TRIM33: variants seen among roughly 807,000 people sequenced by gnomAD.
The protein encoded by TRIM33 is tripartite motif containing 33.
TRIM33 carries 20 observed loss-of-function variants against 125.4 expected under a neutral mutation model. The observed-to-expected ratio is 0.16, with a 90% CI of 0.11 to 0.23. The LOEUF is 0.23. TRIM33 is among the 10% of genes least tolerant of loss of function. TRIM33 has a pLI of 1.00. For missense variants in TRIM33, 920 were observed against 1,411.4 expected (o/e 0.65, Z 5.58); for synonymous variants, 564 against 513.9 (o/e 1.10, Z -1.32).
chr1:114,453,779 G>C (rs1193223018), intron 4 of TRIM33, among the ~76,000 whole-genome samples: 1 of 152,180 alleles, frequency 6.6e-6, no homozygotes, highest in Non-Finnish European at 1.5e-5. Flanking sequence ...CTATGTGACA[G>C]AGACTGACCC....
In TRIM33 at chr1:114,394,711, G is replaced by A. The variant is rs1651451847; in HGVS notation, c.*2937C>T. 1 of 201,116 alleles carries A rather than the reference G, an allele frequency of 5.0e-6. No homozygotes were observed. The highest frequency in any genetic ancestry group is 2.3e-5 in the African/African-American group (1 of 43,472). The allele number at this position is 201,116 out of a possible 1,614,324, so 12.5% of individuals were successfully genotyped here. ...AGTAATGGTTTGATGTTTCCATATA[G>A]AGCACGACCTACAATCTAACCATAC... is the stretch of plus-strand genomic sequence containing the variant. On this transcript the variant is annotated 3_prime_UTR_variant, in exon 20 of 20. Coordinates refer to ENST00000358465, the MANE Select transcript of TRIM33 (RefSeq NM_015906.4).
At chr1:114,509,727 T>C (rs1653222528) in intron 1 of TRIM33, among the ~76,000 whole-genome samples, 5 of 152,194 alleles carry the variant, frequency 3.3e-5, no homozygotes, top group African/African-American at 4.8e-5. Context: ...CTTTCCTCTA[T>C]TGTGCCACAA....
In TRIM33 at chr1:114,394,954, T is replaced by C. The variant is rs1485542717; in HGVS notation, c.*2694A>G. 1.0e-5 allele frequency: 2 copies of C among 195,532 alleles called. No homozygotes were observed. Among genetic ancestry groups the C allele is most frequent in the Admixed American group, 6.1e-5 (1 of 16,462 alleles). 12.1% of individuals were successfully genotyped at this position (195,532 alleles called of 1,614,324 possible). ...GGACTTTTCTCCAAATCTTCTAAAA[T>C]ACTGCCATTTAAAAAACAAATACAA... On this transcript the variant is annotated 3_prime_UTR_variant, in exon 20 of 20. Transcript: ENST00000358465.
At chr1:114,409,832 G>A (rs565683455) in intron 12 of TRIM33, among the ~76,000 whole-genome samples, 1 of 152,164 alleles carries the variant, frequency 6.6e-6, no homozygotes, top group Non-Finnish European at 1.5e-5. Context: ...TTTGAGAAAA[G>A]TAGATTATAT....
chr1:114,473,695 T>G (rs573496395), intron 1 of TRIM33, among the ~76,000 whole-genome samples: 1 of 152,122 alleles, frequency 6.6e-6, no homozygotes, highest in Non-Finnish European at 1.5e-5. Flanking sequence ...CACACTGACA[T>G]TGATTCTTTG....
intron 4 of TRIM33, among the ~76,000 whole-genome samples, chr1:114,457,506 G>A (rs543726301): frequency 2.6e-5 from 4 of 152,228 alleles, no homozygotes; most frequent in Middle Eastern, 6.8e-3. Flanking sequence ...AGGTGATGTC[G>A]GAGAAACACT....
chr1:114,508,096 A>C (rs1653110250), intron 1 of TRIM33, among the ~76,000 whole-genome samples: 1 of 152,172 alleles, frequency 6.6e-6, no homozygotes, highest in Admixed American at 6.5e-5. Flanking sequence ...CAGCCTGAGC[A>C]ACAGAGCGAG....
At chr1:114,460,691 A>G (rs891624163) in intron 4 of TRIM33, among the ~76,000 whole-genome samples, 2 of 141,174 alleles carry the variant, frequency 1.4e-5, no homozygotes, top group Non-Finnish European at 3.0e-5. Flanking sequence ...TTATTTCTCT[A>G]TTGTTCTGCC....
chr1:114,441,213 C>T (rs1003719737), intron 4 of TRIM33, among the ~76,000 whole-genome samples: 6 of 152,202 alleles, frequency 3.9e-5, no homozygotes, highest in Non-Finnish European at 8.8e-5. Context: ...AGAGGATCAC[C>T]TTAGTCCAAG....
chr1:114,461,233 T>C (rs967666095), intron 4 of TRIM33, among the ~76,000 whole-genome samples: 13 of 146,498 alleles, frequency 8.9e-5, no homozygotes, highest in Middle Eastern at 3.6e-3. Context: ...TATATATATA[T>C]ATACATATAT....
chr1:114,445,659 G>A (rs565175590), intron 4 of TRIM33, among the ~76,000 whole-genome samples: 1 of 152,112 alleles, frequency 6.6e-6, no homozygotes, highest in African/African-American at 2.4e-5. Flanking sequence ...TGGTCAAAAG[G>A]GAAAGGCCAA....
Position 114,395,268 on chromosome 1 carries a change from G to A in TRIM33, c.*2380C>T, listed in dbSNP as rs1651483315. 2 of 204,712 alleles carry A rather than the reference G, an allele frequency of 9.8e-6. No individual in the cohort carries two copies. Among genetic ancestry groups the A allele is most frequent in the African/African-American group, 4.6e-5 (2 of 43,720 alleles). The allele number at this position is 204,712 out of a possible 1,614,324, so 12.7% of individuals were successfully genotyped here. On this transcript the variant is annotated 3_prime_UTR_variant, in exon 20 of 20. Transcript: ENST00000358465. ...CAGTATACATTATCTTAACAGAAGT[G>A]GAGGCTATTAAATGTTGACAAAAAA...
Position 114,425,539 on chromosome 1 carries a change from C to A in TRIM33, c.1605G>T (p.Arg535Ser). ...GTACAGGTGCTGGTGGTTGCTGCAT[C>A]CTCATCTGTTGCAACTGCTGATGTT... is the stretch of plus-strand genomic sequence containing the variant. ...AQKHQQLQQM[R>S]MQQPPAPVPT... Residue 535 changes from arginine (R) to serine (S), a missense_variant, in exon 9 of 20, where the codon AGG becomes AGT. Around this residue, in one of 8 missense-constraint regions of TRIM33, gnomAD observed 407 missense variants for 589.7 expected, o/e 0.69. Transcript: ENST00000358465. 1 of 1,614,066 alleles carries A rather than the reference C, an allele frequency of 6.2e-7. No homozygotes were observed. The highest frequency in any genetic ancestry group is 8.5e-7 in the Non-Finnish European group (1 of 1,180,022).
intron 4 of TRIM33, among the ~76,000 whole-genome samples, chr1:114,448,658 GCT>G (rs1649136717): frequency 6.6e-6 from 1 of 152,162 alleles, no homozygotes; most frequent in South Asian, 2.1e-4. Context: ...AAACTGATTA[GCT>G]ATGACATTAA....
chr1:114,432,678 C>T (rs551557250), intron 5 of TRIM33, among the ~76,000 whole-genome samples: 200 of 151,696 alleles, frequency 1.3e-3, no homozygotes, highest in South Asian at 3.8e-3. Context: ...CCCAGCTACT[C>T]GGGAGGCTGA....
At chr1:114,410,429 C>A in intron 11 of TRIM33, 113 bp from the exon 12 acceptor site, 1 of 1,090,506 alleles carries the variant, frequency 9.2e-7, no homozygotes, top group Non-Finnish European at 1.3e-6. Context: ...TATCCAATAT[C>A]AAGCTGAGCC....
chr1:114,480,218 T>C (rs930284922), intron 1 of TRIM33, among the ~76,000 whole-genome samples: 12 of 152,072 alleles, frequency 7.9e-5, no homozygotes, highest in Admixed American at 7.2e-4. Context: ...CTGTGTCCAC[T>C]CAGGGTTAAA....
chr1:114,418,342 G>A (rs965909853), intron 11 of TRIM33, among the ~76,000 whole-genome samples: 1 of 152,242 alleles, frequency 6.6e-6, no homozygotes, highest in Non-Finnish European at 1.5e-5. Flanking sequence ...AGGACACAGA[G>A]CCAAACTGTA....
At chr1:114,467,029 T>G (rs1650346227) in intron 1 of TRIM33, among the ~76,000 whole-genome samples, 1 of 152,226 alleles carries the variant, frequency 6.6e-6, no homozygotes, top group South Asian at 2.1e-4. Flanking sequence ...TTAAGAAACA[T>G]TCTGAAGGTC....
Sources: gnomAD v4.1 joint callset for allele counts (sites outside exome capture counted in the v4.1 genomes callset) on GRCh38, gnomAD v4.1.1 for gene constraint, gnomAD v4.1.1 regional missense constraint, MANE v1.5 for transcripts, NCBI Gene and HGNC (gene_info 2026-07-23, HGNC 2026-07-21) for gene names.